Variants in ATP7B observed in about 807,000 individuals in gnomAD.
The protein encoded by ATP7B is ATPase copper transporting beta.
A neutral mutation model predicts 118.9 loss-of-function variants in ATP7B; 113 were observed. That is an observed-to-expected ratio of 0.95 (90% confidence interval 0.82 to 1.11). The LOEUF (loss-of-function observed/expected upper bound fraction) is 1.11. ATP7B is among the 50% of genes most tolerant of loss of function. ATP7B has a pLI of 0.00. For synonymous variants in ATP7B, 777 were observed against 727.4 expected, an observed-to-expected ratio of 1.07 and a Z score of -1.10; for missense variants, 1,867 against 1,871.4, an observed-to-expected ratio of 1.00 and a Z score of 0.04.
Position 51,974,838 on chromosome 13 carries a change from C to T in ATP7B, c.382G>A (p.Gly128Arg). The stretch of plus-strand genomic sequence containing the variant: ...CTTGAGGGCCAGGAGGCTGCCTTTC[C>T]TTCTGCAATGCTGGCCTCGAAGCCC... ...DMGFEASIAE[G>R]KAASWPSRSL... The change falls in exon 2 of 21, where the codon GGA becomes AGA. Residue 128 changes from glycine to arginine, a missense_variant. Gly to Arg is a moderately radical substitution (Grantham distance 125). Coordinates refer to ENST00000242839, the MANE Select transcript of ATP7B (RefSeq NM_000053.4). 6.2e-7 allele frequency: 1 copy of T among 1,614,234 alleles called. No homozygotes were observed. Among genetic ancestry groups the T allele is most frequent in the Non-Finnish European group, 8.5e-7 (1 of 1,180,040 alleles).
intron 1 of ATP7B, among the ~76,000 whole-genome samples, chr13:51,977,890 T>C (rs1952206915): frequency 6.6e-6 from 1 of 152,240 alleles, no homozygotes; most frequent in Non-Finnish European, 1.5e-5. Flanking sequence ...TAAAGCATCA[T>C]GACTGTATAG....
At chr13:51,986,573 G>A (rs1204231932) in intron 1 of ATP7B, among the ~76,000 whole-genome samples, 1 of 152,162 alleles carries the variant, frequency 6.6e-6, no homozygotes, top group Non-Finnish European at 1.5e-5. Flanking sequence ...TATGAGGCCA[G>A]CATCATCCTG....
chr13:51,953,091 T>C (rs1299656830), intron 9 of ATP7B, among the ~76,000 whole-genome samples: 1 of 152,078 alleles, frequency 6.6e-6, no homozygotes, highest in East Asian at 1.9e-4. Context: ...GTGCTGGGAG[T>C]ATACCTGTGT....
intron 8 of ATP7B, 149 bp downstream of exon 8, chr13:51,958,162 T>C (rs1958476293): frequency 1.1e-6 from 1 of 882,148 alleles, no homozygotes. Context: ...GATTAGTGAC[T>C]AGAGCACCTT....
At position 51,946,568 on chromosome 13, in the gene ATP7B, C is replaced by A. The variant is rs2296246; in HGVS notation, c.2866-90G>T. On this transcript the variant is annotated intron_variant, in intron 12 of 20. Coordinates refer to ENST00000242839, the MANE Select transcript of ATP7B (RefSeq NM_000053.4). ...CACATAAGGACATTTCAGGGGGGCA[C>A]TGGACACAACGTGACGAACTTGGGT... The A allele has an allele frequency of 0.44, 647,343 of 1,464,524 alleles. 149,323 individuals carry two copies. Among genetic ancestry groups the A allele is most frequent in the Non-Finnish European group, 0.48 (508,050 of 1,060,372 alleles). The allele number at this position is 1,464,524 out of a possible 1,614,324, so 90.7% of individuals were successfully genotyped here.
In ATP7B at chr13:51,946,471, T is replaced by A; in HGVS notation, c.2873A>T (p.Asn958Ile). Residue 958 changes from asparagine to isoleucine, a missense_variant, in exon 13 of 21, where the codon AAC becomes ATC. Physicochemically the swap from Asn to Ile is moderately radical, Grantham distance 149 (BLOSUM62 -3). Coordinates refer to ENST00000242839, the MANE Select transcript of ATP7B (RefSeq NM_000053.4). ...GVVQRYFPNP[N>I]KHISQTEVII... is the part of the protein sequence containing the mutation. ...CACCTCTGTCTGGGAGATGTGCTTG[T>A]TGGGGTTCTGAAAACAGGACAGAGT... 1 of 1,614,158 alleles carries A rather than the reference T, an allele frequency of 6.2e-7. No individual in the cohort carries two copies. Among genetic ancestry groups the A allele is most frequent in the Non-Finnish European group, 8.5e-7 (1 of 1,180,018 alleles).
chr13:51,975,289 T>C (rs772517262), intron 1 of ATP7B, 121 bp from the exon 2 acceptor site: 4 of 1,304,258 alleles, frequency 3.1e-6, no homozygotes, highest in Admixed American at 1.7e-5. Context: ...ATCCCAAGGG[T>C]AGAAGAACAT....
intron 1 of ATP7B, among the ~76,000 whole-genome samples, chr13:51,980,993 T>C (rs1477056142): frequency 6.6e-6 from 1 of 152,152 alleles, no homozygotes; most frequent in African/African-American, 2.4e-5. Context: ...AACAAATAAT[T>C]AATGATTCTG....
chr13:51,981,083 T>C (rs1405345896), intron 1 of ATP7B, among the ~76,000 whole-genome samples: 1 of 152,236 alleles, frequency 6.6e-6, no homozygotes, highest in African/African-American at 2.4e-5. Flanking sequence ...ACCATTTCAC[T>C]GTTGAAACTG....
At chr13:51,972,362 C>T (rs1371633669) in intron 2 of ATP7B, among the ~76,000 whole-genome samples, 2 of 152,090 alleles carry the variant, frequency 1.3e-5, no homozygotes, top group Non-Finnish European at 2.9e-5. Context: ...CCCTCTAATT[C>T]TTTCCCATCT....
intron 3 of ATP7B, among the ~76,000 whole-genome samples, chr13:51,969,787 T>C (rs533341997): frequency 6.6e-6 from 1 of 152,312 alleles, no homozygotes; most frequent in South Asian, 2.1e-4. Context: ...ACAGTCACTC[T>C]AGAGCTGCAG....
At chr13:52,003,998 C>A (rs1953654136) in intron 1 of ATP7B, among the ~76,000 whole-genome samples, 1 of 152,198 alleles carries the variant, frequency 6.6e-6, no homozygotes, top group Non-Finnish European at 1.5e-5. Flanking sequence ...GTGGCTCACA[C>A]CTGTAATCCA....
chr13:51,954,888 C>T (rs1170865942), intron 9 of ATP7B, among the ~76,000 whole-genome samples: 1 of 152,090 alleles, frequency 6.6e-6, no homozygotes, highest in Non-Finnish European at 1.5e-5. Context: ...GTGAGACGTC[C>T]CAGTGACGGT....
At chr13:51,998,513 C>G (rs982534655) in intron 1 of ATP7B, among the ~76,000 whole-genome samples, 1 of 152,130 alleles carries the variant, frequency 6.6e-6, no homozygotes. Flanking sequence ...TTTCATGGTA[C>G]TTTTTGTCCC....
chr13:51,957,784 C>G (rs1958453408), intron 8 of ATP7B, 177 bp from the exon 9 acceptor site: 2 of 654,338 alleles, frequency 3.1e-6, no homozygotes, highest in Admixed American at 2.2e-5. Flanking sequence ...GGCCACATGT[C>G]ACTTCCACAG....
chr13:52,002,925 G>C (rs1250804537), intron 1 of ATP7B, among the ~76,000 whole-genome samples: 1 of 152,218 alleles, frequency 6.6e-6, no homozygotes, highest in Non-Finnish European at 1.5e-5. Flanking sequence ...CTGTCAGTAA[G>C]TCATGGTCTT....
chr13:51,940,000 CTTTTTTTTTTTTTTT>C (rs10555680), intron 16 of ATP7B, among the ~76,000 whole-genome samples: 2 of 52,334 alleles, frequency 3.8e-5, no homozygotes, highest in Non-Finnish European at 6.4e-5. Context: ...CACATGCAGT[CTTTTTTTTTTTTTTT>C]TTTTTTTTTT....
At chr13:51,952,810 C>T (rs1566512585) in intron 9 of ATP7B, among the ~76,000 whole-genome samples, 1 of 152,202 alleles carries the variant, frequency 6.6e-6, no homozygotes, top group Non-Finnish European at 1.5e-5. Context: ...TAGTATGGCA[C>T]CTGTACACAG....
intron 1 of ATP7B, among the ~76,000 whole-genome samples, chr13:52,010,741 AGTT>A (rs1229029166): frequency 6.6e-6 from 1 of 152,244 alleles, no homozygotes. Context: ...AAACATAGAA[AGTT>A]CTCAATAAAT....
Sources: gnomAD v4.1 joint callset for allele counts (sites outside exome capture counted in the v4.1 genomes callset) on GRCh38, gnomAD v4.1.1 for gene constraint, MANE v1.5 for transcripts, NCBI Gene and HGNC (gene_info 2026-07-23, HGNC 2026-07-21) for gene names.